Variants in PCDH15 observed in about 807,000 individuals in gnomAD.
PCDH15 encodes protocadherin-15.
PCDH15 carries 129 observed loss-of-function variants against 178.5 expected under a neutral mutation model. The ratio of observed to expected loss-of-function variants is 0.72; its 90% CI spans 0.63 to 0.84. The LOEUF is 0.84. Ranked by LOEUF, PCDH15 falls within the 40% of genes least tolerant of loss-of-function variation. The pLI, the probability that PCDH15 is intolerant of heterozygous loss-of-function variation, is 0.00. For synonymous variants in PCDH15, 800 were observed against 732.0 expected, an observed-to-expected ratio of 1.09 and a Z score of -1.50; for missense variants, 2,230 against 2,099.9, an observed-to-expected ratio of 1.06 and a Z score of -1.21.
chr10:54,747,118 A>G (rs1201995544), intron 1 of PCDH15, among the ~76,000 whole-genome samples: 2 of 152,212 alleles, frequency 1.3e-5, no homozygotes, highest in East Asian at 3.8e-4. Flanking sequence ...AGCACATACC[A>G]CATTTCCAGA....
intron 32 of PCDH15, among the ~76,000 whole-genome samples, chr10:53,824,783 T>TATCA (rs2076564852): frequency 6.6e-6 from 1 of 152,086 alleles, no homozygotes; most frequent in African/African-American, 2.4e-5. Flanking sequence ...GATATAACAA[T>TATCA]ATCACATCAC....
intron 3 of PCDH15, among the ~76,000 whole-genome samples, chr10:54,487,229 A>C (rs1194241415): frequency 6.6e-6 from 1 of 152,082 alleles, no homozygotes; most frequent in Non-Finnish European, 1.5e-5. Flanking sequence ...TCTTAAGTGA[A>C]ACAACTAAAA....
chr10:55,138,167 A>G (rs1838254948), intron 2 of PCDH15, among the ~76,000 whole-genome samples: 1 of 152,154 alleles, frequency 6.6e-6, no homozygotes, highest in Non-Finnish European at 1.5e-5. Context: ...ATAAACATAT[A>G]AGACAATCAG....
intron 32 of PCDH15, chr10:53,821,587 C>G: frequency 8.6e-7 from 1 of 1,166,846 alleles, no homozygotes; most frequent in African/African-American, 1.6e-5. Context: ...CATATTCCCA[C>G]TAAAAAAGAG....
At chr10:54,882,401 A>G (rs11004619) in intron 3 of PCDH15, among the ~76,000 whole-genome samples, 113,296 of 151,850 alleles carry the variant, frequency 0.75, 42,639 homozygotes, top group East Asian at 0.89. Flanking sequence ...CCACAGTTTT[A>G]TTCTTACTGT....
intron 2 of PCDH15, among the ~76,000 whole-genome samples, chr10:54,626,993 G>A (rs915413174): frequency 2.0e-5 from 3 of 152,194 alleles, no homozygotes; most frequent in Non-Finnish European, 4.4e-5. Context: ...GGAGCTTTAA[G>A]GTTTGACTGC....
intron 8 of PCDH15, among the ~76,000 whole-genome samples, chr10:54,255,346 T>C (rs951263862): frequency 3.9e-5 from 6 of 152,184 alleles, no homozygotes; most frequent in African/African-American, 7.2e-5. Flanking sequence ...ATTCTTTGCA[T>C]TGCATTTTCA....
At chr10:54,369,079 T>C in intron 5 of PCDH15, 41 bp downstream of exon 5, 1 of 1,602,218 alleles carries the variant, frequency 6.2e-7, no homozygotes. Context: ...TAGATACATA[T>C]ATCAACAGAA....
At chr10:55,089,427 G>A (rs1842259879) in intron 2 of PCDH15, among the ~76,000 whole-genome samples, 1 of 151,874 alleles carries the variant, frequency 6.6e-6, no homozygotes, top group Non-Finnish European at 1.5e-5. Flanking sequence ...TCTGTCTAAT[G>A]TAATGTTACC....
intron 3 of PCDH15, among the ~76,000 whole-genome samples, chr10:54,467,295 T>C (rs2077582368): frequency 6.6e-6 from 1 of 151,926 alleles, no homozygotes; most frequent in East Asian, 1.9e-4. Flanking sequence ...TATGAGTTTT[T>C]CACATATGGC....
intron 21 of PCDH15, among the ~76,000 whole-genome samples, chr10:53,992,459 T>C (rs2610882): frequency 0.067 from 10,136 of 152,188 alleles, 527 homozygotes; most frequent in African/African-American, 0.14. Flanking sequence ...ATATAAAATA[T>C]AAGGAATGGT....
intron 8 of PCDH15, among the ~76,000 whole-genome samples, chr10:54,307,266 T>A (rs1219796756): frequency 1.3e-5 from 2 of 149,018 alleles, no homozygotes. Context: ...ATGTGTCTAA[T>A]CTTTTTAAAT....
intron 20 of PCDH15, among the ~76,000 whole-genome samples, chr10:54,010,988 G>A (rs1268728378): frequency 6.6e-6 from 1 of 152,008 alleles, no homozygotes. Flanking sequence ...GAAAGAAAGG[G>A]CCAAAGGTTT....
At chr10:54,034,941 CT>C (rs1389863248) in intron 18 of PCDH15, among the ~76,000 whole-genome samples, 2 of 151,746 alleles carry the variant, frequency 1.3e-5, no homozygotes, top group Non-Finnish European at 2.9e-5. Context: ...TATTAACATC[CT>C]TTTTTCTTTC....
chr10:55,512,295 T>C (rs896310731), intron 2 of PCDH15, among the ~76,000 whole-genome samples: 34 of 152,232 alleles, frequency 2.2e-4, no homozygotes, highest in African/African-American at 7.9e-4. Context: ...TATTTTGCAC[T>C]GTATCCTCTA....
intron 2 of PCDH15, among the ~76,000 whole-genome samples, chr10:55,575,484 C>A (rs1433937412): frequency 6.6e-6 from 1 of 152,078 alleles, no homozygotes; most frequent in African/African-American, 2.4e-5. Context: ...ATTAATTCAA[C>A]CCCATACTGG....
chr10:54,293,149 C>A (rs2059530338), intron 8 of PCDH15, among the ~76,000 whole-genome samples: 1 of 152,066 alleles, frequency 6.6e-6, no homozygotes, highest in African/African-American at 2.4e-5. Context: ...AAACTGGGCT[C>A]AGAAATAACA....
chr10:55,425,761 T>A lies in PCDH15; in HGVS notation c.-156+201864A>T, dbSNP rs180982703. Among the ~76,000 whole-genome samples the A allele has an allele frequency of 1.8e-3, 274 of 152,336 alleles. 1 individual carries two copies. Among genetic ancestry groups the A allele is most frequent in the African/African-American group, 6.2e-3 (259 of 41,584 alleles). ...AACTTTTTCAAAGGATCTGATTGAATGTTTGTCTTATAAGCTATTAATATA... is the reference window on the plus strand; with the variant it reads ...AACTTTTTCAAAGGATCTGATTGAAAGTTTGTCTTATAAGCTATTAATATA... On this transcript the variant is annotated intron_variant, in intron 2 of 5. Coordinates refer to the PCDH15 transcript ENST00000613346.
chr10:54,154,539 GAATTC>G (rs1319050959), intron 13 of PCDH15, among the ~76,000 whole-genome samples: 1 of 152,094 alleles, frequency 6.6e-6, no homozygotes, highest in Non-Finnish European at 1.5e-5. Flanking sequence ...CTTGAAACTT[GAATTC>G]AATTTCAGAA....
Sources: allele counts gnomAD v4.1 joint callset (sites outside exome capture counted in the v4.1 genomes callset), GRCh38; gene constraint gnomAD v4.1.1; transcripts MANE v1.5; gene names NCBI Gene and HGNC (gene_info 2026-07-23, HGNC 2026-07-21).